Variants in FLT4 observed in about 807,000 individuals in gnomAD.
The protein encoded by FLT4 is fms related receptor tyrosine kinase 4, also known as vascular endothelial growth factor receptor 3.
A neutral mutation model predicts 163.2 loss-of-function variants in FLT4; 30 were observed. The observed-to-expected ratio is 0.18, with a 90% confidence interval of 0.14 to 0.25. The LOEUF is 0.25. FLT4 is among the 10% of genes least tolerant of loss of function. FLT4 has a pLI of 1.00. For missense variants in FLT4, 1,510 were observed against 1,863.8 expected, an observed-to-expected ratio of 0.81 and a Z score of 3.50; for synonymous variants, 884 against 789.5, an observed-to-expected ratio of 1.12 and a Z score of -2.01.
intron 21 of FLT4, 120 bp from the exon 22 acceptor site, chr5:180,617,114 C>T (rs1218111158): frequency 1.3e-6 from 1 of 749,824 alleles, no homozygotes; most frequent in South Asian, 1.5e-5. Context: ...CTCTGGGACA[C>T]CCACATCCTA....
At chr5:180,643,750 C>G (rs1210672818) in intron 1 of FLT4, among the ~76,000 whole-genome samples, 1 of 152,092 alleles carries the variant, frequency 6.6e-6, no homozygotes, top group Non-Finnish European at 1.5e-5. Flanking sequence ...CGTCTCACAC[C>G]GAGGCTCCCC....
At position 180,629,420 on chromosome 5, in the gene FLT4, C is replaced by A. The variant is rs372030421; in HGVS notation, c.824G>T (p.Arg275Leu). ...DWDYPGKQAE[R>L]GKWVPERRSQ... The stretch of plus-strand genomic sequence containing the variant: ...GCGTCGCTCGGGCACCCACTTACCC[C>A]GCTCTGCCTGCCCGCACCCAGGGAA... Residue 275 changes from arginine (R) to leucine (L), a missense_variant, in exon 7 of 30, where the codon CGG (arginine) becomes CTG (leucine). Physicochemically the swap from Arg to Leu is moderately radical, Grantham distance 102 (BLOSUM62 -2). Around this residue, in one of 5 missense-constraint regions of FLT4, gnomAD observed 163 missense variants for 281.1 expected, o/e 0.58. Transcript: ENST00000261937. 1 of 1,611,014 alleles carries A rather than the reference C, an allele frequency of 6.2e-7. No homozygotes were observed. Among genetic ancestry groups the A allele is most frequent in the Non-Finnish European group, 8.5e-7 (1 of 1,179,952 alleles).
Position 180,624,915 on chromosome 5 carries a change from T to C in FLT4, c.1422-854A>G, listed in dbSNP as rs954327170. 5.3e-5 allele frequency among the ~76,000 whole-genome samples: 8 copies of C among 152,290 alleles called. No individual in the cohort carries two copies. The South Asian group carries it at 8.3e-4, about 16-fold the overall frequency. On this transcript the variant is annotated intron_variant, in intron 10 of 29. Transcript: ENST00000261937. ...AGCAGGGACCCCCCGAAGGGCTCCA[T>C]CACTTGGCACAGAGCATACAGGTGG...
At chr5:180,611,012 G>A (rs534918142) in intron 27 of FLT4, among the ~76,000 whole-genome samples, 97 of 152,242 alleles carry the variant, frequency 6.4e-4, no homozygotes, top group Middle Eastern at 6.8e-3. Context: ...AGCCGAGATC[G>A]CGCCACTGCA....
chr5:180,633,845 C>A (rs1764355707), intron 1 of FLT4, among the ~76,000 whole-genome samples: 1 of 152,136 alleles, frequency 6.6e-6, no homozygotes, highest in Non-Finnish European at 1.5e-5. Flanking sequence ...GTCAGGAGAC[C>A]AGGCTCGAGG....
intron 29 of FLT4, among the ~76,000 whole-genome samples, chr5:180,605,672 A>G (rs1012928012): frequency 2.0e-5 from 3 of 152,192 alleles, no homozygotes; most frequent in African/African-American, 7.2e-5. Context: ...TCCTTTGAGC[A>G]CATTCTTCCT....
chr5:180,629,368 G>A lies in FLT4; in HGVS notation c.876C>T (p.Ser292=). Residue 292 remains serine (S), a synonymous_variant, in exon 7 of 30, where the codon TCC becomes TCT. Coordinates refer to ENST00000261937, the MANE Select transcript of FLT4 (RefSeq NM_182925.5). The part of the protein sequence containing the change: ...RRSQQTHTEL[S]SILTIHNVSQ... ...TGACGTTGTGGATGGTCAGGATGCTGGAGAGTTCTGTGTGGGTCTGCTGGG... is the reference window on the plus strand; with the variant it reads ...TGACGTTGTGGATGGTCAGGATGCTAGAGAGTTCTGTGTGGGTCTGCTGGG... 6.2e-7 allele frequency: 1 copy of A among 1,612,830 alleles called. No homozygotes were observed.
intron 1 of FLT4, among the ~76,000 whole-genome samples, chr5:180,637,601 C>T (rs759390603): frequency 4.7e-4 from 71 of 152,270 alleles, no homozygotes; most frequent in Admixed American, 9.1e-4. Flanking sequence ...GGCGTGATCT[C>T]GGCTCACTGC....
chr5:180,603,920 G>T (rs1314403260), intron 29 of FLT4, among the ~76,000 whole-genome samples: 2 of 136,006 alleles, frequency 1.5e-5, no homozygotes, highest in South Asian at 2.3e-4. Context: ...AAAAAAAATT[G>T]CTTGAGCCCA....
chr5:180,642,562 T>C (rs2127865727), intron 1 of FLT4, among the ~76,000 whole-genome samples: 1 of 151,942 alleles, frequency 6.6e-6, no homozygotes, highest in South Asian at 2.1e-4. Flanking sequence ...ATGTACTCTC[T>C]CTCTCGATGG....
Position 180,629,030 on chromosome 5 carries a change from A to C in FLT4, c.986-31T>G, listed in dbSNP as rs1581673635. On this transcript the variant is annotated intron_variant, in intron 7 of 29. Transcript: ENST00000261937. Reference sequence around the variant, plus strand: ...GGACAGGAGAAGTCACTGTAAATCCAGGACTGACCCGTCGTGGACTGACCA... The same window carrying C: ...GGACAGGAGAAGTCACTGTAAATCCCGGACTGACCCGTCGTGGACTGACCA... 32 of 1,579,386 alleles carry C rather than the reference A, an allele frequency of 2.0e-5. 1 individual carries two copies. The East Asian group carries it at 7.2e-4, about 35-fold the overall frequency.
chr5:180,607,656 T>C lies in FLT4; in HGVS notation c.3893+1312A>G, dbSNP rs569427905. Among the ~76,000 whole-genome samples the C allele has an allele frequency of 3.0e-5, 4 of 131,608 alleles. No individual in the cohort carries two copies. In the South Asian group the frequency reaches 1.0e-3, roughly 34 times the overall value. The allele number at this position is 131,608 out of a possible 152,430, so 86.3% of individuals were successfully genotyped here. ...ACTGTCTCAAAAAAAAAAAAATACATACATACATATATATATATAAAATAA... is the reference window on the plus strand; with the variant it reads ...ACTGTCTCAAAAAAAAAAAAATACACACATACATATATATATATAAAATAA... On this transcript the variant is annotated intron_variant, in intron 29 of 29. Transcript: ENST00000261937.
chr5:180,637,808 G>C (rs188686448), intron 1 of FLT4, among the ~76,000 whole-genome samples: 1 of 152,278 alleles, frequency 6.6e-6, no homozygotes, highest in Admixed American at 6.5e-5. Context: ...GGGATTACAG[G>C]TGTGGGCCAC....
intron 1 of FLT4, among the ~76,000 whole-genome samples, chr5:180,638,290 G>A (rs1005254110): frequency 2.0e-5 from 3 of 152,114 alleles, no homozygotes; most frequent in Non-Finnish European, 4.4e-5. Flanking sequence ...CTGCAGACGT[G>A]CACCCCCTCC....
intron 26 of FLT4, among the ~76,000 whole-genome samples, chr5:180,611,927 T>A (rs1762233949): frequency 6.6e-6 from 1 of 152,102 alleles, no homozygotes; most frequent in African/African-American, 2.4e-5. Context: ...GCTGGCAGCC[T>A]CAGGAACTGG....
chr5:180,611,812 G>A, intron 26 of FLT4: 1 of 420,458 alleles, frequency 2.4e-6, no homozygotes, highest in Non-Finnish European at 4.4e-6. Context: ...GGCTGTGCCA[G>A]CCTCGCTAAG....
At chr5:180,611,237 T>C (rs1762165973) in intron 27 of FLT4, 94 bp downstream of exon 27, 2 of 1,408,464 alleles carry the variant, frequency 1.4e-6, no homozygotes, top group Non-Finnish European at 1.9e-6. Flanking sequence ...TGACGTCGCA[T>C]GATTTGCTTT....
chr5:180,613,931 C>T, intron 24 of FLT4, 137 bp downstream of exon 24: 1 of 728,878 alleles, frequency 1.4e-6, no homozygotes, highest in Non-Finnish European at 2.5e-6. Context: ...CCCTTGGTGG[C>T]CCACAAACCA....
At chr5:180,625,799 A>G in intron 10 of FLT4, 70 bp downstream of exon 10, 1 of 1,455,166 alleles carries the variant, frequency 6.9e-7, no homozygotes, top group Non-Finnish European at 9.6e-7. Flanking sequence ...GGTGCTGTAA[A>G]GGAGGTTCCT....
Sources: allele counts gnomAD v4.1 joint callset (sites outside exome capture counted in the v4.1 genomes callset), GRCh38; gene constraint gnomAD v4.1.1; regional missense constraint gnomAD v4.1.1; transcripts MANE v1.5; gene names NCBI Gene and HGNC (gene_info 2026-07-23, HGNC 2026-07-21).